The following ALCAM variants were observed in gnomAD, a reference collection of about 807,000 sequenced individuals.
ALCAM encodes CD166 antigen.
Under a neutral mutation model 70.9 loss-of-function variants are expected in ALCAM, and 30 were observed. The ratio of observed to expected loss-of-function variants is 0.42; its 90% CI spans 0.32 to 0.57. The LOEUF is 0.57. Ranked by LOEUF, ALCAM falls within the 20% of genes least tolerant of loss-of-function variation. The pLI is 0.11. For missense variants in ALCAM, 591 were observed against 695.1 expected (o/e 0.85, Z 1.68); for synonymous variants, 249 against 242.5 (o/e 1.03, Z -0.25).
At chr3:105,496,598 C>T (rs1056975621) in intron 1 of ALCAM, among the ~76,000 whole-genome samples, 83 of 152,084 alleles carry the variant, frequency 5.5e-4, no homozygotes, top group Non-Finnish European at 1.3e-4. Context: ...TACCAGTCAC[C>T]CCAGAAGTCA....
chr3:105,427,121 T>C (rs1386814893), intron 1 of ALCAM, among the ~76,000 whole-genome samples: 2 of 151,828 alleles, frequency 1.3e-5, no homozygotes, highest in African/African-American at 4.8e-5. Context: ...GTATCTTCGG[T>C]TCTTAGAAAT....
intron 8 of ALCAM, chr3:105,544,503 T>C (rs1940197054): frequency 6.6e-6 from 1 of 151,588 alleles, no homozygotes; most frequent in African/African-American, 2.4e-5. Context: ...GGTTTGCTAC[T>C]AGGTGCTGAT....
chr3:105,524,956 T>C (rs1939658331), intron 3 of ALCAM: 5 of 985,008 alleles, frequency 5.1e-6, no homozygotes, highest in Non-Finnish European at 6.0e-6. Context: ...ATAAGCAAAT[T>C]CAAACTATAT....
At chr3:105,567,466 C>T (rs912816158) in intron 14 of ALCAM, among the ~76,000 whole-genome samples, 18 of 151,944 alleles carry the variant, frequency 1.2e-4, no homozygotes, top group African/African-American at 4.4e-4. Context: ...ACTCCACCAT[C>T]TCCTCACTTT....
chr3:105,378,777 C>T (rs771306840), intron 1 of ALCAM, among the ~76,000 whole-genome samples: 1 of 151,792 alleles, frequency 6.6e-6, no homozygotes, highest in Admixed American at 6.6e-5. Context: ...AAAATGCCAC[C>T]TTTCTAAAAG....
chr3:105,468,100 A>G (rs1256568521), intron 1 of ALCAM, among the ~76,000 whole-genome samples: 1 of 151,306 alleles, frequency 6.6e-6, no homozygotes, highest in Non-Finnish European at 1.5e-5. Flanking sequence ...ATGTGGAAGA[A>G]CAAATTTTGA....
intron 1 of ALCAM, among the ~76,000 whole-genome samples, chr3:105,420,781 C>A (rs1300098810): frequency 1.3e-5 from 2 of 151,168 alleles, no homozygotes; most frequent in East Asian, 3.9e-4. Flanking sequence ...TTATAATGCA[C>A]AGAGATTGAG....
chr3:105,385,080 T>C (rs189229615), intron 1 of ALCAM, among the ~76,000 whole-genome samples: 139 of 151,730 alleles, frequency 9.2e-4, no homozygotes, highest in African/African-American at 3.3e-3. Context: ...GTTCCTGGAT[T>C]CTTGGCATGT....
intron 14 of ALCAM, among the ~76,000 whole-genome samples, chr3:105,567,196 G>T (rs1355127799): frequency 3.3e-5 from 5 of 152,092 alleles, no homozygotes; most frequent in Admixed American, 2.0e-4. Context: ...CTTTTGGTTA[G>T]TATGTCTATG....
chr3:105,517,381 C>G (rs961210587), intron 1 of ALCAM, among the ~76,000 whole-genome samples: 1 of 152,244 alleles, frequency 6.6e-6, no homozygotes, highest in South Asian at 2.1e-4. Flanking sequence ...ACCTACTGCC[C>G]TCTGTCTAGT....
intron 1 of ALCAM, among the ~76,000 whole-genome samples, chr3:105,483,951 T>C (rs1408856039): frequency 6.6e-6 from 1 of 152,148 alleles, no homozygotes; most frequent in Non-Finnish European, 1.5e-5. Context: ...TTTAACAACT[T>C]ACCTGTTCTT....
chr3:105,384,630 T>C (rs1410935444), intron 1 of ALCAM, among the ~76,000 whole-genome samples: 1 of 151,552 alleles, frequency 6.6e-6, no homozygotes, highest in African/African-American at 2.4e-5. Flanking sequence ...TTATTAAAAA[T>C]ACTTGTCCAG....
At chr3:105,546,379 C>G (rs1488553616) in intron 9 of ALCAM, among the ~76,000 whole-genome samples, 1 of 151,418 alleles carries the variant, frequency 6.6e-6, no homozygotes, top group Non-Finnish European at 1.5e-5. Flanking sequence ...AACACTCGAT[C>G]CTCTGCTACT....
At chr3:105,517,918 A>G (rs547358191) in intron 1 of ALCAM, among the ~76,000 whole-genome samples, 25 of 152,098 alleles carry the variant, frequency 1.6e-4, no homozygotes, top group Non-Finnish European at 3.5e-4. Flanking sequence ...TGGAGATACA[A>G]AGCTTAAAAA....
intron 1 of ALCAM, among the ~76,000 whole-genome samples, chr3:105,381,889 T>C (rs1417053617): frequency 6.6e-6 from 1 of 151,698 alleles, no homozygotes; most frequent in Admixed American, 6.6e-5. Context: ...TCAACTCTTT[T>C]TTTTATTGTC....
chr3:105,535,144 G>A (rs1307162822), intron 6 of ALCAM, among the ~76,000 whole-genome samples: 1 of 152,074 alleles, frequency 6.6e-6, no homozygotes, highest in Non-Finnish European at 1.5e-5. Context: ...ATGAATGACA[G>A]ACAAATATAG....
chr3:105,530,231 C>A (rs543386398), intron 3 of ALCAM, among the ~76,000 whole-genome samples: 32 of 152,180 alleles, frequency 2.1e-4, no homozygotes, highest in African/African-American at 6.5e-4. Context: ...ATTCTTCTCT[C>A]AAATGTATTA....
intron 1 of ALCAM, among the ~76,000 whole-genome samples, chr3:105,487,983 G>A (rs1300803488): frequency 1.3e-5 from 2 of 152,148 alleles, no homozygotes; most frequent in Non-Finnish European, 2.9e-5. Context: ...GGACCCCATG[G>A]GAGGTGTTTG....
chr3:105,436,268 C>CTAGTGTA (rs1937046412), intron 1 of ALCAM, among the ~76,000 whole-genome samples: 5 of 152,210 alleles, frequency 3.3e-5, no homozygotes, highest in African/African-American at 1.2e-4. Flanking sequence ...CAACTTGTTG[C>CTAGTGTA]CAGTGTATTT....
Sources: gnomAD v4.1 joint callset for allele counts (sites outside exome capture counted in the v4.1 genomes callset) on GRCh38, gnomAD v4.1.1 for gene constraint, MANE v1.5 for transcripts, NCBI Gene and HGNC (gene_info 2026-07-23, HGNC 2026-07-21) for gene names.